The following JMY variants were observed in gnomAD, a reference collection of about 807,000 sequenced individuals.
JMY encodes junction mediating and regulatory protein, p53 cofactor.
A neutral mutation model predicts 103.3 loss-of-function variants in JMY; 46 were observed. The observed-to-expected ratio is 0.45, with a 90% CI of 0.35 to 0.57. The LOEUF (loss-of-function observed/expected upper bound fraction) is 0.57, where lower values mean the gene tolerates loss of function less well. JMY is among the 20% of genes least tolerant of loss of function. The pLI is 0.00. For missense variants in JMY, 1,238 were observed against 1,255.2 expected (o/e 0.99, Z 0.21); for synonymous variants, 526 against 489.3 (o/e 1.07, Z -0.99).
At chr5:79,249,727 T>C (rs553815472) in intron 1 of JMY, among the ~76,000 whole-genome samples, 1 of 152,354 alleles carries the variant, frequency 6.6e-6, no homozygotes, top group South Asian at 2.1e-4. Flanking sequence ...CCAGTTACTC[T>C]ATTCAAGTTT....
intron 6 of JMY, among the ~76,000 whole-genome samples, chr5:79,305,584 A>C (rs559577747): frequency 2.4e-4 from 37 of 152,324 alleles, no homozygotes; most frequent in Non-Finnish European, 2.1e-4. Flanking sequence ...TACTGGTAAA[A>C]AGTTACCAGA....
chr5:79,312,084 T>C (rs1027018359), intron 7 of JMY, among the ~76,000 whole-genome samples: 28 of 152,184 alleles, frequency 1.8e-4, no homozygotes, highest in African/African-American at 6.8e-4. Context: ...CCCAAAGTGC[T>C]AGGATTATAG....
In JMY at chr5:79,291,100, CTT is replaced by C; in HGVS notation, c.1358-29_1358-28del. Reference sequence around the variant, plus strand: ...GCTTCAGTATTAAGTTGTTATTTGTCTTAATTTCTCTTTAAAAAATTATTAAT... The same window carrying C: ...GCTTCAGTATTAAGTTGTTATTTGTCAATTTCTCTTTAAAAAATTATTAAT... On this transcript the variant is annotated intron_variant, in intron 3 of 10. Transcript: ENST00000396137. 3 of 1,477,582 alleles carry C rather than the reference CTT, an allele frequency of 2.0e-6. 1 individual carries two copies. In the African/African-American group the frequency reaches 4.3e-5, roughly 21 times the overall value. 91.5% of individuals were successfully genotyped at this position (1,477,582 alleles called of 1,614,324 possible).
chr5:79,291,557 G>A (rs1746425911), intron 4 of JMY, among the ~76,000 whole-genome samples: 1 of 152,166 alleles, frequency 6.6e-6, no homozygotes, highest in Non-Finnish European at 1.5e-5. Flanking sequence ...CTTAGTTGCT[G>A]TAAAGTTTTT....
At chr5:79,315,896 T>C (rs886544710) in intron 9 of JMY, 104 bp from the exon 10 acceptor site, 1 of 911,666 alleles carries the variant, frequency 1.1e-6, no homozygotes, top group Middle Eastern at 3.0e-4. Flanking sequence ...AGATGGTGTT[T>C]CAGCGTCCTG....
At chr5:79,294,858 CAAA>C (rs369580669) in intron 4 of JMY, among the ~76,000 whole-genome samples, 6 of 111,140 alleles carry the variant, frequency 5.4e-5, no homozygotes, top group Admixed American at 1.9e-4. Flanking sequence ...AACTCTGTCT[CAAA>C]AAAAAAAAAA....
intron 1 of JMY, among the ~76,000 whole-genome samples, chr5:79,268,716 T>C (rs777098074): frequency 1.4e-4 from 21 of 152,026 alleles, no homozygotes; most frequent in Non-Finnish European, 2.9e-4. Context: ...TCTCGATCTC[T>C]TGACCTTATG....
chr5:79,284,694 C>A (rs1484560014), intron 2 of JMY: 4 of 1,592,114 alleles, frequency 2.5e-6, no homozygotes, highest in East Asian at 4.5e-5. Context: ...CTTCATCATT[C>A]TGCAAATCAG....
intron 1 of JMY, among the ~76,000 whole-genome samples, chr5:79,273,826 GT>G (rs1327657935): frequency 1.3e-5 from 2 of 150,206 alleles, no homozygotes; most frequent in Admixed American, 6.7e-5. Flanking sequence ...TTTCTTTTTT[GT>G]TTTTTTTTCT....
At chr5:79,284,766 C>A in intron 2 of JMY, 4 of 1,578,488 alleles carry the variant, frequency 2.5e-6, no homozygotes, top group Non-Finnish European at 3.4e-6. Context: ...TTCCTTGGGT[C>A]CTGGTGATGA....
At chr5:79,282,844 G>A (rs763875368) in intron 2 of JMY, among the ~76,000 whole-genome samples, 3 of 152,144 alleles carry the variant, frequency 2.0e-5, no homozygotes, top group Admixed American at 6.5e-5. Flanking sequence ...TCCACAGGGT[G>A]TGAATTGTTT....
At chr5:79,269,527 A>G (rs940303142) in intron 1 of JMY, among the ~76,000 whole-genome samples, 8 of 152,226 alleles carry the variant, frequency 5.3e-5, no homozygotes, top group African/African-American at 9.7e-5. Context: ...CAAGTTAGGA[A>G]GAACTAATAC....
At position 79,312,399 on chromosome 5, in the gene JMY, C is replaced by G; in HGVS notation, c.1969-4C>G. The G allele has an allele frequency of 6.6e-7, 1 of 1,516,574 alleles. No homozygotes were observed. The highest frequency in any genetic ancestry group is 2.3e-5 in the East Asian group (1 of 43,172). The allele number at this position is 1,516,574 out of a possible 1,614,324, so 93.9% of individuals were successfully genotyped here. Reference sequence around the variant, plus strand: ...TAATGGAATTATTATTAATTTTTTACCAGAAGAGAGAAAAATTACATGATG... The same window carrying G: ...TAATGGAATTATTATTAATTTTTTAGCAGAAGAGAGAAAAATTACATGATG... On this transcript the variant is annotated splice_polypyrimidine_tract_variant and splice_region_variant and intron_variant, in intron 7 of 10. Coordinates refer to ENST00000396137, the MANE Select transcript of JMY (RefSeq NM_152405.5).
At chr5:79,269,938 C>T (rs949576996) in intron 1 of JMY, among the ~76,000 whole-genome samples, 1 of 151,800 alleles carries the variant, frequency 6.6e-6, no homozygotes. Flanking sequence ...ACTATGTTGC[C>T]CAGGTGGGTC....
chr5:79,281,323 C>T (rs896237731), intron 2 of JMY, among the ~76,000 whole-genome samples: 12 of 147,526 alleles, frequency 8.1e-5, no homozygotes, highest in South Asian at 4.4e-4. Flanking sequence ...GGATTACAGG[C>T]GTGAGTCACT....
In JMY at chr5:79,260,787, A is replaced by C. The variant is rs571541370; in HGVS notation, c.1033-17123A>C. On this transcript the variant is annotated intron_variant, in intron 1 of 10. Coordinates refer to ENST00000396137, the MANE Select transcript of JMY (RefSeq NM_152405.5). ...AGTAATAATTAGCAGGAATAATATA[A>C]AAATAATTCAGTAGTTTTACAAAGC... Among the ~76,000 whole-genome samples the C allele has an allele frequency of 6.0e-4, 91 of 152,144 alleles. 1 individual carries two copies. Among genetic ancestry groups the C allele is most frequent in the Admixed American group, 3.8e-3 (58 of 15,278 alleles).
intron 1 of JMY, among the ~76,000 whole-genome samples, chr5:79,253,944 CTTTTTTT>C (rs562468793): frequency 1.5e-5 from 2 of 131,472 alleles, no homozygotes; most frequent in Non-Finnish European, 3.3e-5. Flanking sequence ...TGGTAGATGA[CTTTTTTT>C]TTTTTTTTTT....
intron 4 of JMY, among the ~76,000 whole-genome samples, chr5:79,297,813 C>G (rs1181879719): frequency 2.0e-5 from 3 of 152,136 alleles, no homozygotes; most frequent in African/African-American, 7.2e-5. Context: ...CTTGGCAAAT[C>G]CACGTCTGGA....
At chr5:79,305,306 G>A (rs1746846883) in intron 6 of JMY, among the ~76,000 whole-genome samples, 1 of 151,982 alleles carries the variant, frequency 6.6e-6, no homozygotes, top group South Asian at 2.1e-4. Flanking sequence ...AAAAAAATTA[G>A]CCAGGCGTGA....
Sources: gnomAD v4.1 joint callset for allele counts (sites outside exome capture counted in the v4.1 genomes callset) on GRCh38, gnomAD v4.1.1 for gene constraint, MANE v1.5 for transcripts, NCBI Gene and HGNC (gene_info 2026-07-23, HGNC 2026-07-21) for gene names.